PTPRE: variants seen among roughly 807,000 people sequenced by gnomAD.
PTPRE encodes the protein protein tyrosine phosphatase receptor type E.
PTPRE carries 51 observed loss-of-function variants against 102.0 expected under a neutral mutation model. That is an observed-to-expected ratio of 0.50 (90% CI 0.40 to 0.63). PTPRE has a LOEUF of 0.63. PTPRE is among the 30% of genes least tolerant of loss of function. The probability of loss-of-function intolerance (pLI) is 0.00; values close to 1 mark genes in which losing one functional copy is unlikely to be tolerated. For missense variants in PTPRE, 752 were observed against 915.1 expected (o/e 0.82, Z 2.30); for synonymous variants, 345 against 348.2 (o/e 0.99, Z 0.10).
chr10:128,070,975 C>T lies in PTPRE; in HGVS notation c.1387+74C>T, dbSNP rs1443570373. 9.7e-6 allele frequency: 14 copies of T among 1,442,566 alleles called. No homozygotes were observed. The highest frequency in any genetic ancestry group is 1.4e-5 in the African/African-American group (1 of 71,398). The allele number at this position is 1,442,566 out of a possible 1,614,324, so 89.4% of individuals were successfully genotyped here. On this transcript the variant is annotated intron_variant, in intron 15 of 20. Coordinates refer to ENST00000254667, the MANE Select transcript of PTPRE (RefSeq NM_006504.6). This position sits in a 1 kb window ranked among gnomAD's most constrained non-coding sequence, Gnocchi z 4.8. ...CCGGAGGCTTTCATCCTGGAGAAGC[C>T]ATTGACCGCTTACCCCTGTGCACCA...
intron 1 of PTPRE, among the ~76,000 whole-genome samples, chr10:127,933,144 A>C (rs1322450484): frequency 1.3e-5 from 2 of 152,188 alleles, no homozygotes; most frequent in African/African-American, 4.8e-5. Context: ...CGTTTAGCAA[A>C]CATAATCCCA....
At chr10:128,033,072 G>T (rs143835908) in intron 2 of PTPRE, among the ~76,000 whole-genome samples, 2 of 152,264 alleles carry the variant, frequency 1.3e-5, no homozygotes, top group South Asian at 2.1e-4. Context: ...CGCTGACCAC[G>T]TAGAAGCCAG....
chr10:127,960,509 G>A (rs1404888156), intron 1 of PTPRE, among the ~76,000 whole-genome samples: 1 of 152,190 alleles, frequency 6.6e-6, no homozygotes, highest in African/African-American at 2.4e-5. Context: ...AGCTCTGGCA[G>A]CCGTGCCTCC....
chr10:128,010,463 C>T (rs1316116022), intron 2 of PTPRE, among the ~76,000 whole-genome samples: 1 of 152,202 alleles, frequency 6.6e-6, no homozygotes. Flanking sequence ...GGTTCCCAGC[C>T]CAGTGCTCTC....
chr10:127,979,982 G>C (rs964344403), intron 1 of PTPRE, among the ~76,000 whole-genome samples: 1 of 152,174 alleles, frequency 6.6e-6, no homozygotes, highest in African/African-American at 2.4e-5. Flanking sequence ...TTCTTCCCTT[G>C]CTTGGCCCCA....
intron 1 of PTPRE, among the ~76,000 whole-genome samples, chr10:127,951,043 C>T (rs192611856): frequency 0.015 from 2,351 of 152,160 alleles, 52 homozygotes; most frequent in African/African-American, 0.053. Context: ...CGCCACTGCA[C>T]TCCAGCCTGG....
rs1376056475 is a variant in PTPRE at position 127,944,812 on chromosome 10, A to G, written c.-30-37462A>G. Among the ~76,000 whole-genome samples, 1 of 152,176 alleles carries G rather than the reference A, an allele frequency of 6.6e-6. No homozygotes were observed. Among genetic ancestry groups the G allele is most frequent in the Non-Finnish European group, 1.5e-5 (1 of 68,032 alleles). On this transcript the variant is annotated intron_variant, in intron 1 of 20. Transcript: ENST00000254667. This position sits in a 1 kb window ranked among gnomAD's most constrained non-coding sequence, Gnocchi z 4.2. ...CAGTGAAAGAAGATAGTGGCATAAA[A>G]TTAGGTAGGTGGCAATGAGATGGAG...
Position 128,056,140 on chromosome 10 carries a change from C to T in PTPRE, c.438C>T (p.His146=), listed in dbSNP as rs749616528. 8.1e-6 allele frequency: 13 copies of T among 1,611,886 alleles called. No individual in the cohort carries two copies. The South Asian group carries it at 1.2e-4, about 15-fold the overall frequency. ...TCTTCCAGTCATTGCCATCTGGACA[C>T]ATACAAGGAACTTTTGAACTGGCAA... ...REEFNSLPSG[H]IQGTFELANK... The change falls in exon 7 of 21, where the codon CAC becomes CAT. Residue 146 remains histidine, a synonymous_variant. Coordinates refer to ENST00000254667, the MANE Select transcript of PTPRE (RefSeq NM_006504.6).
chr10:127,995,459 G>A (rs1246873037), intron 2 of PTPRE, among the ~76,000 whole-genome samples: 1 of 152,132 alleles, frequency 6.6e-6, no homozygotes, highest in Non-Finnish European at 1.5e-5. Flanking sequence ...CAAGCTAGGA[G>A]GAGGAGTGGG....
chr10:128,030,585 C>T, intron 2 of PTPRE, among the ~76,000 whole-genome samples: 1 of 152,144 alleles, frequency 6.6e-6, no homozygotes, highest in Non-Finnish European at 1.5e-5. Flanking sequence ...TTAAAAACAC[C>T]CGTGGAGCAC....
intron 1 of PTPRE, among the ~76,000 whole-genome samples, chr10:127,954,998 A>G (rs1163521909): frequency 1.3e-5 from 2 of 151,918 alleles, no homozygotes; most frequent in Non-Finnish European, 2.9e-5. Flanking sequence ...CTCTGAGTCA[A>G]CAGGCTAAGC....
At chr10:128,034,326 C>G (rs994005869) in intron 2 of PTPRE, among the ~76,000 whole-genome samples, 2 of 117,576 alleles carry the variant, frequency 1.7e-5, no homozygotes, top group Non-Finnish European at 3.9e-5. Context: ...CTCCACACCA[C>G]CCCCCCCACC....
At chr10:128,053,101 A>G (rs985784440) in intron 6 of PTPRE, among the ~76,000 whole-genome samples, 5 of 152,038 alleles carry the variant, frequency 3.3e-5, no homozygotes, top group Non-Finnish European at 7.4e-5. Flanking sequence ...AACTACAAAA[A>G]TTAGCTAGGC....
chr10:127,936,066 G>A (rs1025910732), intron 1 of PTPRE: 6 of 152,166 alleles, frequency 3.9e-5, no homozygotes, highest in Non-Finnish European at 7.3e-5. Context: ...AGGAAAAACC[G>A]TCTCTGCGTC....
In PTPRE at chr10:127,963,749, A is replaced by C. The variant is rs185626669; in HGVS notation, c.-30-18525A>C. On this transcript the variant is annotated intron_variant, in intron 1 of 20. Coordinates refer to ENST00000254667, the MANE Select transcript of PTPRE (RefSeq NM_006504.6). Reference sequence around the variant, plus strand: ...GTGTGGAACCCACGGGGCTGGGGATAGTCTCTAGCAGTGTGAGACAACCAG... The same window carrying C: ...GTGTGGAACCCACGGGGCTGGGGATCGTCTCTAGCAGTGTGAGACAACCAG... Among the ~76,000 whole-genome samples the C allele has an allele frequency of 5.0e-3, 766 of 152,226 alleles. 3 individuals carry two copies. Among genetic ancestry groups the C allele is most frequent in the Non-Finnish European group, 7.5e-3 (508 of 67,992 alleles).
chr10:127,993,693 C>T (rs572917734), intron 2 of PTPRE, among the ~76,000 whole-genome samples: 6 of 152,254 alleles, frequency 3.9e-5, no homozygotes, highest in East Asian at 3.9e-4. Context: ...ACTTAAAACC[C>T]GGGGTCACTC....
At chr10:127,932,505 G>C (rs1035955059) in intron 1 of PTPRE, among the ~76,000 whole-genome samples, 2 of 152,236 alleles carry the variant, frequency 1.3e-5, no homozygotes, top group African/African-American at 2.4e-5. Flanking sequence ...AGGGCTGCAC[G>C]GAGTTTCTCT....
intron 10 of PTPRE, among the ~76,000 whole-genome samples, chr10:128,064,394 G>A (rs1046608258): frequency 1.3e-5 from 2 of 152,246 alleles, no homozygotes; most frequent in African/African-American, 4.8e-5. Flanking sequence ...GCTTTGTCAT[G>A]GGGAAGAGGG....
chr10:128,056,045 T>C (rs1848934957), intron 6 of PTPRE, 78 bp from the exon 7 acceptor site: 3 of 1,163,268 alleles, frequency 2.6e-6, no homozygotes, highest in Non-Finnish European at 3.8e-6. Flanking sequence ...CATTAATTCC[T>C]GTGCTCAGTA....
Sources: allele counts gnomAD v4.1 joint callset (sites outside exome capture counted in the v4.1 genomes callset), GRCh38; gene constraint gnomAD v4.1.1; non-coding constraint Gnocchi (gnomAD v3.1); transcripts MANE v1.5; gene names NCBI Gene and HGNC (gene_info 2026-07-23, HGNC 2026-07-21).